ADRA1B: variants seen among roughly 807,000 people sequenced by gnomAD.
ADRA1B encodes the protein alpha-1B adrenergic receptor.
Under a neutral mutation model 17.9 loss-of-function variants are expected in ADRA1B, and 17 were observed. That is an observed-to-expected ratio of 0.95 (90% CI 0.65 to 1.42). ADRA1B has a LOEUF of 1.42. ADRA1B is among the 40% of genes most tolerant of loss of function. ADRA1B has a pLI of 0.00. For synonymous variants in ADRA1B, 366 were observed against 327.6 expected, an observed-to-expected ratio of 1.12 and a Z score of -1.27; for missense variants, 681 against 722.1, an observed-to-expected ratio of 0.94 and a Z score of 0.65.
chr5:159,923,232 T>C (rs1443186241), intron 1 of ADRA1B, among the ~76,000 whole-genome samples: 2 of 152,290 alleles, frequency 1.3e-5, no homozygotes, highest in Non-Finnish European at 2.9e-5. Context: ...CTTTAGATTT[T>C]TATCTTAAGT....
chr5:159,912,283 G>A (rs1754234825), upstream of ADRA1B, among the ~76,000 whole-genome samples: 2 of 152,220 alleles, frequency 1.3e-5, no homozygotes. Context: ...TAAATTAGTG[G>A]AACTGGGACA....
intron 1 of ADRA1B, among the ~76,000 whole-genome samples, chr5:159,898,225 C>T (rs2113114647): frequency 6.6e-6 from 1 of 152,354 alleles, no homozygotes. Flanking sequence ...ACTGAAGCTG[C>T]TCTTAACCCC....
intron 1 of ADRA1B, among the ~76,000 whole-genome samples, chr5:159,874,275 C>T (rs756919184): frequency 2.0e-5 from 3 of 152,264 alleles, no homozygotes; most frequent in Middle Eastern, 3.4e-3. Context: ...GGAAGAACCT[C>T]CCACCACCAC....
At chr5:159,967,715 C>A (rs1755800690) in intron 1 of ADRA1B, among the ~76,000 whole-genome samples, 1 of 152,162 alleles carries the variant, frequency 6.6e-6, no homozygotes, top group Admixed American at 6.5e-5. Context: ...CAAAGAATGG[C>A]CCTTGGCTTC....
chr5:159,988,689 C>T, the ADRA1B span, among the ~76,000 whole-genome samples: 3 of 152,196 alleles, frequency 2.0e-5, no homozygotes, highest in South Asian at 2.1e-4. Flanking sequence ...ATTCAAATTA[C>T]ATCTGTGGCC....
intron 1 of ADRA1B, among the ~76,000 whole-genome samples, chr5:159,894,749 T>A (rs937899645): frequency 6.6e-6 from 1 of 152,194 alleles, no homozygotes; most frequent in Non-Finnish European, 1.5e-5. Flanking sequence ...CCACTCACTA[T>A]GCAGGGCCCC....
At chr5:159,979,434 A>G in the ADRA1B span, among the ~76,000 whole-genome samples, 2 of 152,240 alleles carry the variant, frequency 1.3e-5, no homozygotes, top group African/African-American at 4.8e-5. Context: ...TACCTGGCAC[A>G]TGGTACTTGT....
intron 1 of ADRA1B, among the ~76,000 whole-genome samples, chr5:159,879,649 G>A (rs1334869518): frequency 6.6e-6 from 1 of 152,174 alleles, no homozygotes; most frequent in Non-Finnish European, 1.5e-5. Flanking sequence ...GCATATGCAT[G>A]CGTGTGTGTG....
chr5:159,892,805 G>A (rs1754000376), intron 1 of ADRA1B, among the ~76,000 whole-genome samples: 1 of 152,222 alleles, frequency 6.6e-6, no homozygotes, highest in African/African-American at 2.4e-5. Context: ...ATGCATGCAT[G>A]TATGTTTATA....
rs374782718 is a variant in ADRA1B at position 159,907,966 on chromosome 5, C to CAT, written c.-255-8152_-255-8151insTA. Among the ~76,000 whole-genome samples, 414 of 151,900 alleles carry CAT rather than the reference C, an allele frequency of 2.7e-3. 3 individuals carry two copies. Among genetic ancestry groups the CAT allele is most frequent in the African/African-American group, 9.5e-3 (394 of 41,378 alleles). ...TCTCTCTCTCTCTGTCACACACACA[C>CAT]ACACACACACACACACACAGAGTTG... On this transcript the variant is annotated intron_variant, in intron 1 of 2. Transcript: ENST00000641205.
chr5:159,872,565 G>A (rs1753757700), intron 1 of ADRA1B, among the ~76,000 whole-genome samples: 2 of 152,188 alleles, frequency 1.3e-5, no homozygotes, highest in South Asian at 4.1e-4. Flanking sequence ...CATGCAACTG[G>A]TGAGTATGAG....
chr5:159,891,450 C>T (rs1222993067), intron 1 of ADRA1B, among the ~76,000 whole-genome samples: 1 of 152,148 alleles, frequency 6.6e-6, no homozygotes, highest in Non-Finnish European at 1.5e-5. Context: ...AAGTAGGGTT[C>T]CGCATGAGCA....
chr5:159,881,923 T>G (rs1753867414), intron 1 of ADRA1B, among the ~76,000 whole-genome samples: 1 of 152,148 alleles, frequency 6.6e-6, no homozygotes, highest in African/African-American at 2.4e-5. Context: ...GTGGCATGGG[T>G]GTCCCGAAAA....
intron 1 of ADRA1B, among the ~76,000 whole-genome samples, chr5:159,922,418 T>A (rs1264271311): frequency 6.6e-6 from 1 of 152,234 alleles, no homozygotes; most frequent in Non-Finnish European, 1.5e-5. Flanking sequence ...CAAGGAAATG[T>A]CTGGCCCTTT....
intron 1 of ADRA1B, chr5:159,955,017 G>A: frequency 4.6e-6 from 2 of 432,818 alleles, no homozygotes; most frequent in Non-Finnish European, 6.2e-6. Flanking sequence ...CAAGATAAGG[G>A]TTCATCTTGC....
the ADRA1B span, among the ~76,000 whole-genome samples, chr5:159,983,655 C>T: frequency 9.2e-5 from 14 of 152,258 alleles, no homozygotes; most frequent in African/African-American, 2.6e-4. Flanking sequence ...ATTAGTGACT[C>T]CCAGGTCCTC....
chr5:159,916,724 ACTCGGTG>A lies in ADRA1B; in HGVS notation c.-180_-174del. On this transcript the variant is annotated 5_prime_UTR_variant, in exon 1 of 2. Transcript: ENST00000306675. Reference sequence around the variant, plus strand: ...CCTCCCTCTGACAGGCGAGCGAGCGACTCGGTGCAGGCAGGAGACGTGCTGCCGGGCT... The same window carrying A: ...CCTCCCTCTGACAGGCGAGCGAGCGACAGGCAGGAGACGTGCTGCCGGGCT... 1 of 589,602 alleles carries A rather than the reference ACTCGGTG, an allele frequency of 1.7e-6. No homozygotes were observed. The highest frequency in any genetic ancestry group is 3.3e-5 in the Admixed American group (1 of 30,742). 36.5% of individuals were successfully genotyped at this position (589,602 alleles called of 1,614,324 possible). A position where few individuals can be genotyped will look rare whatever the true frequency, so the allele number is the denominator to read the frequency against.
At chr5:159,879,510 C>T (rs1231409251) in intron 1 of ADRA1B, among the ~76,000 whole-genome samples, 1 of 152,224 alleles carries the variant, frequency 6.6e-6, no homozygotes, top group Non-Finnish European at 1.5e-5. Context: ...GCCCTTCATC[C>T]TGGCTGCCTC....
At chr5:159,921,826 C>G (rs922268959) in intron 1 of ADRA1B, among the ~76,000 whole-genome samples, 2 of 152,168 alleles carry the variant, frequency 1.3e-5, no homozygotes, top group African/African-American at 4.8e-5. Flanking sequence ...GAATTTCTAC[C>G]TTCCACAAGC....
Sources: gnomAD v4.1 joint callset for allele counts (sites outside exome capture counted in the v4.1 genomes callset) on GRCh38, gnomAD v4.1.1 for gene constraint, MANE v1.5 for transcripts, NCBI Gene and HGNC (gene_info 2026-07-23, HGNC 2026-07-21) for gene names.